Variants in SV2C observed in about 807,000 individuals in gnomAD.
SV2C encodes the protein solute carrier family 22 member B3.
In SV2C, 49 loss-of-function variants were observed where a neutral mutation model predicts 79.7. The ratio of observed to expected loss-of-function variants is 0.61; its 90% CI spans 0.49 to 0.78. SV2C has a LOEUF of 0.78. Among genes scored for constraint, SV2C ranks in the 30% least tolerant of loss-of-function variants. The probability of loss-of-function intolerance (pLI) is 0.00; values close to 1 mark genes in which losing one functional copy is unlikely to be tolerated. For synonymous variants in SV2C, 334 were observed against 333.2 expected (o/e 1.00, Z -0.03); for missense variants, 833 against 912.9 (o/e 0.91, Z 1.13).
At chr5:76,061,403 T>C in the SV2C span, among the ~76,000 whole-genome samples, 1 of 151,952 alleles carries the variant, frequency 6.6e-6, no homozygotes, top group Non-Finnish European at 1.5e-5. Flanking sequence ...TTTTGACTCA[T>C]GACAAACAGT....
chr5:75,995,801 T>C, the SV2C span, among the ~76,000 whole-genome samples: 8 of 152,186 alleles, frequency 5.3e-5, no homozygotes, highest in Admixed American at 1.3e-4. Flanking sequence ...CAAATCCCCA[T>C]AGAATAACAG....
the SV2C span, among the ~76,000 whole-genome samples, chr5:75,979,298 G>C: frequency 1.3e-5 from 2 of 151,754 alleles, no homozygotes; most frequent in African/African-American, 4.8e-5. Context: ...CTTTAACACC[G>C]CACTGTCAAT....
chr5:76,260,999 T>C (rs553239501), intron 4 of SV2C, among the ~76,000 whole-genome samples: 8 of 152,326 alleles, frequency 5.3e-5, no homozygotes, highest in Admixed American at 2.6e-4. Flanking sequence ...GGTAGCTTAA[T>C]GGGAATAGCA....
the SV2C span, among the ~76,000 whole-genome samples, chr5:76,015,355 T>A: frequency 2.6e-5 from 4 of 152,192 alleles, no homozygotes; most frequent in African/African-American, 9.6e-5. Context: ...AATTTGGGAC[T>A]TAACTGCCTA....
chr5:76,191,558 G>T lies in SV2C; in HGVS notation c.581-3361G>T, dbSNP rs566340866. Among the ~76,000 whole-genome samples, 4 of 152,300 alleles carry T rather than the reference G, an allele frequency of 2.6e-5. 1 individual carries two copies. In the South Asian group the frequency reaches 8.3e-4, roughly 32 times the overall value. On this transcript the variant is annotated intron_variant, in intron 2 of 12. Coordinates refer to ENST00000502798, the MANE Select transcript of SV2C (RefSeq NM_014979.4). ...AATATGGTTTAAAATGGTGTTGGGG[G>T]AAAAGACATGTCCCCTTAGGGATTG...
chr5:76,017,301 G>C, the SV2C span, among the ~76,000 whole-genome samples: 1 of 152,008 alleles, frequency 6.6e-6, no homozygotes, highest in Non-Finnish European at 1.5e-5. Context: ...TGTTGTTGTT[G>C]TTTGAGAAGG....
chr5:75,930,913 T>C, the SV2C span, among the ~76,000 whole-genome samples: 2 of 152,204 alleles, frequency 1.3e-5, no homozygotes, highest in South Asian at 4.2e-4. Context: ...GTGGGTGGAT[T>C]GCTTGAGCCC....
chr5:76,252,500 G>A (rs1746146346), intron 4 of SV2C, among the ~76,000 whole-genome samples: 1 of 152,192 alleles, frequency 6.6e-6, no homozygotes, highest in Admixed American at 6.6e-5. Context: ...ATCTCCCTGA[G>A]AACACAACCT....
chr5:76,336,213 G>T (rs1373986838), downstream of SV2C, among the ~76,000 whole-genome samples: 1 of 151,700 alleles, frequency 6.6e-6, no homozygotes, highest in Non-Finnish European at 1.5e-5. Context: ...CTTCCCAGAC[G>T]GGGTGGCTGC....
chr5:76,006,050 G>A, the SV2C span, among the ~76,000 whole-genome samples: 257 of 152,298 alleles, frequency 1.7e-3, 1 homozygote, highest in African/African-American at 6.0e-3. Context: ...AACCACGGAA[G>A]CAGTTTCCTC....
chr5:75,998,227 A>T, the SV2C span, among the ~76,000 whole-genome samples: 1 of 152,142 alleles, frequency 6.6e-6, no homozygotes, highest in Admixed American at 6.6e-5. Flanking sequence ...GCATTAGGAG[A>T]TATACCTGAT....
At chr5:75,934,387 A>C in the SV2C span, among the ~76,000 whole-genome samples, 2 of 141,464 alleles carry the variant, frequency 1.4e-5, no homozygotes, top group East Asian at 4.2e-4. Flanking sequence ...CCCTGATTCA[A>C]ATGATTCTCC....
chr5:76,319,136 C>T (rs1012225643), intron 12 of SV2C, among the ~76,000 whole-genome samples: 4 of 152,144 alleles, frequency 2.6e-5, no homozygotes, highest in South Asian at 2.1e-4. Context: ...CCCAGCTGGG[C>T]GTGGTGGCTC....
chr5:75,990,814 G>A, the SV2C span, among the ~76,000 whole-genome samples: 1 of 151,894 alleles, frequency 6.6e-6, no homozygotes, highest in African/African-American at 2.4e-5. Flanking sequence ...TAAAAAAAAA[G>A]TGAAGGGTAT....
At chr5:76,243,229 C>A (rs927962889) in intron 4 of SV2C, among the ~76,000 whole-genome samples, 2 of 151,322 alleles carry the variant, frequency 1.3e-5, no homozygotes, top group Non-Finnish European at 2.9e-5. Context: ...TGCATGGAAT[C>A]AAAAAAAATG....
chr5:75,987,496 C>A, the SV2C span, among the ~76,000 whole-genome samples: 1 of 151,906 alleles, frequency 6.6e-6, no homozygotes, highest in Non-Finnish European at 1.5e-5. Context: ...TACCTGGATG[C>A]CTGATGGCAT....
chr5:76,055,947 A>G, the SV2C span, among the ~76,000 whole-genome samples: 5 of 152,124 alleles, frequency 3.3e-5, no homozygotes, highest in Admixed American at 2.0e-4. Context: ...CTGCAAACAG[A>G]GACAATTTGA....
chr5:76,248,143 G>A (rs912541768), intron 4 of SV2C, among the ~76,000 whole-genome samples: 1 of 152,174 alleles, frequency 6.6e-6, no homozygotes, highest in Non-Finnish European at 1.5e-5. Context: ...GGCCTGCCAC[G>A]AGCATCATCT....
At chr5:75,928,900 C>A in the SV2C span, among the ~76,000 whole-genome samples, 88 of 152,168 alleles carry the variant, frequency 5.8e-4, no homozygotes, top group Non-Finnish European at 1.2e-4. Flanking sequence ...CTGGATAGTA[C>A]AATTGGAATA....
Sources: gnomAD v4.1 joint callset for allele counts (sites outside exome capture counted in the v4.1 genomes callset) on GRCh38, gnomAD v4.1.1 for gene constraint, MANE v1.5 for transcripts, NCBI Gene and HGNC (gene_info 2026-07-23, HGNC 2026-07-21) for gene names.